Variants in RBM28 observed in about 807,000 individuals in gnomAD.
The protein encoded by RBM28 is RNA binding motif protein 28.
RBM28 carries 78 observed loss-of-function variants against 98.3 expected under a neutral mutation model. The observed-to-expected ratio is 0.79, with a 90% CI of 0.66 to 0.96. RBM28 has a LOEUF of 0.96. Ranked by LOEUF, RBM28 falls within the 40% of genes least tolerant of loss-of-function variation. The pLI, the probability that RBM28 is intolerant of heterozygous loss-of-function variation, is 0.00. For missense variants in RBM28, 838 were observed against 913.0 expected, an observed-to-expected ratio of 0.92 and a Z score of 1.06; for synonymous variants, 306 against 330.9, an observed-to-expected ratio of 0.92 and a Z score of 0.82.
intron 1 of RBM28, 70 bp from the exon 2 acceptor site, chr7:128,339,861 A>G (rs56007906): frequency 0.061 from 92,831 of 1,510,000 alleles, 3,386 homozygotes; most frequent in Non-Finnish European, 0.073. Context: ...AGCCAAGAGC[A>G]CTAAATGAGT....
intron 13 of RBM28, among the ~76,000 whole-genome samples, chr7:128,321,805 T>A (rs554470671): frequency 2.8e-4 from 43 of 152,268 alleles, no homozygotes; most frequent in Non-Finnish European, 4.0e-4. Flanking sequence ...CCGAGCACTT[T>A]GGGAGGCCAG....
chr7:128,313,999 T>G (rs1474745141), intron 17 of RBM28, among the ~76,000 whole-genome samples: 2 of 152,088 alleles, frequency 1.3e-5, no homozygotes, highest in Admixed American at 6.5e-5. Context: ...GTCTCGCTCT[T>G]TCGCCCAGGC....
intron 13 of RBM28, among the ~76,000 whole-genome samples, chr7:128,322,852 T>C (rs773394574): frequency 7.2e-5 from 11 of 152,178 alleles, no homozygotes; most frequent in Non-Finnish European, 1.3e-4. Context: ...TGCCTCCTGC[T>C]GTCATTACAC....
intron 7 of RBM28, 30 bp downstream of exon 7, chr7:128,335,817 T>G: frequency 6.2e-7 from 1 of 1,614,092 alleles, no homozygotes; most frequent in Non-Finnish European, 8.5e-7. Flanking sequence ...AATCTTCCTC[T>G]GCTGTCTCAG....
chr7:128,336,590 A>G (rs1796605334), intron 6 of RBM28, among the ~76,000 whole-genome samples: 1 of 152,222 alleles, frequency 6.6e-6, no homozygotes, highest in Non-Finnish European at 1.5e-5. Flanking sequence ...CTTAGACTCA[A>G]AAGAGCCTAG....
chr7:128,330,998 T>G (rs766970285), intron 9 of RBM28, 70 bp from the exon 10 acceptor site: 8 of 1,031,002 alleles, frequency 7.8e-6, no homozygotes, highest in South Asian at 7.7e-5. Flanking sequence ...TCCAGGACAA[T>G]GTAAGTGAGT....
In RBM28 at chr7:128,313,291, G is replaced by C; in HGVS notation, c.2046-17C>G. The C allele has an allele frequency of 6.2e-7, 1 of 1,607,382 alleles. No homozygotes were observed. Among genetic ancestry groups the C allele is most frequent in the Non-Finnish European group, 8.5e-7 (1 of 1,173,892 alleles). ...TCCCGCAACCTGAAATAACATGGCT[G>C]AGTGTCACCTTGAGTCCTTCTTCTA... On this transcript the variant is annotated splice_polypyrimidine_tract_variant and intron_variant, in intron 17 of 18. Transcript: ENST00000223073.
chr7:128,314,896 T>C lies in RBM28; in HGVS notation c.1913A>G (p.Gln638Arg). The C allele has an allele frequency of 6.2e-7, 1 of 1,614,204 alleles. No homozygotes were observed. Among genetic ancestry groups the C allele is most frequent in the Non-Finnish European group, 8.5e-7 (1 of 1,180,030 alleles). The change falls in exon 17 of 19, where the codon CAG becomes CGG. Residue 638 changes from glutamine (Q) to arginine (R), a missense_variant. Physicochemically the swap from Gln to Arg is conservative, Grantham distance 43. Coordinates refer to ENST00000223073, the MANE Select transcript of RBM28 (RefSeq NM_018077.3). ...TGAGGTAGAGCCCGCCTTTCTCTTC[T>C]GCTCTGGGGGCACCTTGCTTTGTTC... ...TEEQSKVPPE[Q>R]KRKAGSTSWT...
intron 9 of RBM28, among the ~76,000 whole-genome samples, chr7:128,332,832 C>T (rs1400116994): frequency 2.6e-5 from 4 of 152,210 alleles, no homozygotes; most frequent in Non-Finnish European, 4.4e-5. Context: ...AACAGCAACA[C>T]GAAATAAAGC....
chr7:128,310,578 T>A lies in RBM28; in HGVS notation c.*219A>T. The A allele has an allele frequency of 1.7e-6, 1 of 593,208 alleles. No individual in the cohort carries two copies. The highest frequency in any genetic ancestry group is 3.0e-6 in the Non-Finnish European group (1 of 333,202). The allele number at this position is 593,208 out of a possible 1,614,324, so 36.7% of individuals were successfully genotyped here. A position where few individuals can be genotyped will look rare whatever the true frequency, so the allele number is the denominator to read the frequency against. On this transcript the variant is annotated 3_prime_UTR_variant, in exon 19 of 19. Transcript: ENST00000223073. The stretch of plus-strand genomic sequence containing the variant: ...TAATCTGGATAATATGCAAGAAGCA[T>A]CATGTTGACTTTCAGATATTTCTCT...
rs750872916 is a variant in RBM28 at position 128,343,890 on chromosome 7, G to A, written c.-97C>T. On this transcript the variant is annotated 5_prime_UTR_variant, in exon 1 of 19. Coordinates refer to ENST00000223073, the MANE Select transcript of RBM28 (RefSeq NM_018077.3). Reference sequence around the variant, plus strand: ...TTTGGTAGGACAACCAAGCTCACACGCCGAGAGATTCCGGAAGTGCTCGTT... The same window carrying A: ...TTTGGTAGGACAACCAAGCTCACACACCGAGAGATTCCGGAAGTGCTCGTT... 11 of 790,964 alleles carry A rather than the reference G, an allele frequency of 1.4e-5. No homozygotes were observed. Among genetic ancestry groups the A allele is most frequent in the Non-Finnish European group, 1.8e-5 (9 of 510,450 alleles). 49.0% of individuals were successfully genotyped at this position (790,964 alleles called of 1,614,324 possible).
intron 14 of RBM28, 107 bp from the exon 15 acceptor site, chr7:128,318,213 G>T: frequency 8.5e-7 from 1 of 1,178,684 alleles, no homozygotes; most frequent in Non-Finnish European, 1.2e-6. Context: ...GGGTGGGCAT[G>T]GTGGTTCATG....
chr7:128,335,506 T>C (rs1796576608), intron 8 of RBM28, 37 bp downstream of exon 8: 1 of 1,613,662 alleles, frequency 6.2e-7, no homozygotes, highest in Non-Finnish European at 8.5e-7. Flanking sequence ...AGTAACTTTT[T>C]TAAAGTCTAA....
At chr7:128,326,343 A>G (rs1161471187) in intron 10 of RBM28, among the ~76,000 whole-genome samples, 2 of 151,842 alleles carry the variant, frequency 1.3e-5, no homozygotes, top group African/African-American at 2.4e-5. Flanking sequence ...GTACTTGCAT[A>G]AGGACGTTTT....
At chr7:128,338,836 A>G in intron 3 of RBM28, 35 bp from the exon 4 acceptor site, 1 of 1,398,220 alleles carries the variant, frequency 7.2e-7, no homozygotes, top group Non-Finnish European at 1.0e-6. Context: ...AAAGAGAAAC[A>G]CAATCACAGC....
rs1413119576 is a variant in RBM28 at position 128,305,750 on chromosome 7, G to A, written c.*5047C>T. The A allele has an allele frequency of 6.6e-6, 1 of 152,288 alleles. No homozygotes were observed. The highest frequency in any genetic ancestry group is 2.4e-5 in the African/African-American group (1 of 41,460). 9.4% of individuals were successfully genotyped at this position (152,288 alleles called of 1,614,324 possible). On this transcript the variant is annotated 3_prime_UTR_variant, in exon 19 of 19. Transcript: ENST00000223073. ...TGGGATTGGCTTTGGCCATGAGGCA[G>A]ATTAAGCAACACCTAAGGGGAGTTG...
rs200044767 is a variant in RBM28 at position 128,338,385 on chromosome 7, G to A, written c.449-43C>T. On this transcript the variant is annotated intron_variant, in intron 4 of 18. Transcript: ENST00000223073. ...AAGAAAGAAGTGAGAGGCAGCAGGA[G>A]GTAGCCAGAATACTAAGAAGTAAAT... 3.8e-4 allele frequency: 571 copies of A among 1,512,278 alleles called. 2 individuals are homozygous for A. The highest frequency in any genetic ancestry group is 1.3e-3 in the Admixed American group (78 of 59,900). The allele number at this position is 1,512,278 out of a possible 1,614,324, so 93.7% of individuals were successfully genotyped here.
Position 128,315,039 on chromosome 7 carries a change from T to C in RBM28, c.1789-19A>G. The C allele has an allele frequency of 1.2e-6, 2 of 1,614,180 alleles. No homozygotes were observed. Among genetic ancestry groups the C allele is most frequent in the Non-Finnish European group, 8.5e-7 (1 of 1,180,020 alleles). On this transcript the variant is annotated intron_variant, in intron 16 of 18. Coordinates refer to ENST00000223073, the MANE Select transcript of RBM28 (RefSeq NM_018077.3). ...TTTTTTGCTGCATAAAACAAGAAAA[T>C]GCCATCTGGTTTCTGGATGAGCTTT...
chr7:128,335,000 A>C (rs1337074292), intron 8 of RBM28, among the ~76,000 whole-genome samples: 1 of 152,206 alleles, frequency 6.6e-6, no homozygotes. Context: ...CTGCACCCAA[A>C]ATGAATCAGC....
Sources: gnomAD v4.1 joint callset for allele counts (sites outside exome capture counted in the v4.1 genomes callset) on GRCh38, gnomAD v4.1.1 for gene constraint, MANE v1.5 for transcripts, NCBI Gene and HGNC (gene_info 2026-07-23, HGNC 2026-07-21) for gene names.